RANBP2: variants seen among roughly 807,000 people sequenced by gnomAD.
RANBP2 encodes E3 SUMO-protein ligase RanBP2.
A neutral mutation model predicts 303.6 loss-of-function variants in RANBP2; 57 were observed. That is an observed-to-expected ratio of 0.19 (90% CI 0.15 to 0.23). RANBP2 has a LOEUF of 0.23. Ranked by LOEUF, RANBP2 falls within the 10% of genes least tolerant of loss-of-function variation. The probability of loss-of-function intolerance (pLI) is 1.00; values close to 1 mark genes in which losing one functional copy is unlikely to be tolerated. For synonymous variants in RANBP2, 1,167 were observed against 1,301.5 expected (o/e 0.90, Z 2.23); for missense variants, 3,138 against 3,780.8 (o/e 0.83, Z 4.46).
chr2:109,549,486 A>G, the RANBP2 span, among the ~76,000 whole-genome samples: 2 of 152,302 alleles, frequency 1.3e-5, no homozygotes, highest in African/African-American at 4.8e-5. Flanking sequence ...GCTATCAACA[A>G]CTATTCCATA....
chr2:109,350,036 C>G, the RANBP2 span, among the ~76,000 whole-genome samples: 25 of 152,332 alleles, frequency 1.6e-4, no homozygotes, highest in African/African-American at 6.0e-4. Flanking sequence ...GCCAGAGGCT[C>G]ACGAGCTGCA....
the RANBP2 span, among the ~76,000 whole-genome samples, chr2:109,290,465 C>T: frequency 3.9e-5 from 6 of 152,354 alleles, no homozygotes; most frequent in South Asian, 2.1e-4. Flanking sequence ...ACCCGGAATC[C>T]TCATGTTCGT....
chr2:109,411,102 AG>A, the RANBP2 span, among the ~76,000 whole-genome samples: 2 of 152,246 alleles, frequency 1.3e-5, no homozygotes, highest in Non-Finnish European at 2.9e-5. Context: ...TCCAGGGCCA[AG>A]CACCATGGTT....
At chr2:109,206,697 T>C in the RANBP2 span, among the ~76,000 whole-genome samples, 1 of 152,006 alleles carries the variant, frequency 6.6e-6, no homozygotes, top group Non-Finnish European at 1.5e-5. Context: ...ATGCTTATAA[T>C]TCCAGCTACT....
At chr2:108,807,522 C>T in the RANBP2 span, among the ~76,000 whole-genome samples, 32 of 152,300 alleles carry the variant, frequency 2.1e-4, no homozygotes, top group South Asian at 6.6e-3. Context: ...AAAATCCTCT[C>T]TTTATCTATG....
the RANBP2 span, among the ~76,000 whole-genome samples, chr2:109,718,446 G>A: frequency 6.6e-6 from 1 of 152,186 alleles, no homozygotes; most frequent in African/African-American, 2.4e-5. Context: ...ATTATGTGAA[G>A]TGAAAGAAGC....
the RANBP2 span, among the ~76,000 whole-genome samples, chr2:109,640,003 G>A: frequency 6.6e-6 from 1 of 151,332 alleles, no homozygotes; most frequent in African/African-American, 2.4e-5. Context: ...GAGCCACTGC[G>A]CCCAGCCATA....
chr2:109,670,612 A>G, the RANBP2 span, among the ~76,000 whole-genome samples: 1 of 151,904 alleles, frequency 6.6e-6, no homozygotes, highest in Non-Finnish European at 1.5e-5. Context: ...CAGACTCCAA[A>G]CTCTAGAGGC....
At chr2:109,513,451 C>G in the RANBP2 span, among the ~76,000 whole-genome samples, 1 of 119,690 alleles carries the variant, frequency 8.4e-6, no homozygotes, top group South Asian at 2.9e-4. Flanking sequence ...ACATCACACA[C>G]GTGCACATAT....
chr2:109,661,671 C>T, the RANBP2 span, among the ~76,000 whole-genome samples: 1 of 152,160 alleles, frequency 6.6e-6, no homozygotes, highest in South Asian at 2.1e-4. Context: ...TAAGGGTGAG[C>T]CTAGAAAGTG....
At chr2:109,539,646 G>A in the RANBP2 span, among the ~76,000 whole-genome samples, 11 of 152,180 alleles carry the variant, frequency 7.2e-5, no homozygotes, top group African/African-American at 1.9e-4. Flanking sequence ...GTTTCATCAC[G>A]CTGGCCAGGC....
At chr2:109,116,086 G>C in the RANBP2 span, among the ~76,000 whole-genome samples, 3 of 152,080 alleles carry the variant, frequency 2.0e-5, no homozygotes, top group African/African-American at 7.2e-5. Context: ...TTTCAACTTT[G>C]GTGAATCTGA....
At chr2:109,503,002 G>C in the RANBP2 span, 1 of 152,222 alleles carries the variant, frequency 6.6e-6, no homozygotes, top group African/African-American at 2.4e-5. Flanking sequence ...CAAGATCGGG[G>C]AGTTGGGAGG....
At chr2:109,525,610 G>A in the RANBP2 span, among the ~76,000 whole-genome samples, 10 of 152,208 alleles carry the variant, frequency 6.6e-5, no homozygotes, top group African/African-American at 2.2e-4. Flanking sequence ...CCGGCATTCA[G>A]GGCAGGATGG....
the RANBP2 span, among the ~76,000 whole-genome samples, chr2:109,680,203 A>AC: frequency 4.7e-5 from 7 of 148,948 alleles, no homozygotes; most frequent in African/African-American, 1.7e-4. Flanking sequence ...AAAAAAAAAA[A>AC]TTAGCCGGGC....
At chr2:109,624,319 A>G in the RANBP2 span, among the ~76,000 whole-genome samples, 1 of 152,192 alleles carries the variant, frequency 6.6e-6, no homozygotes, top group Admixed American at 6.5e-5. Context: ...GGAAGGTAAC[A>G]TGATGCATAT....
At chr2:109,603,668 A>G in the RANBP2 span, among the ~76,000 whole-genome samples, 1 of 152,204 alleles carries the variant, frequency 6.6e-6, no homozygotes, top group South Asian at 2.1e-4. Context: ...CATACATACA[A>G]CTAAAAATCT....
chr2:108,929,750 G>T, the RANBP2 span, among the ~76,000 whole-genome samples: 6 of 152,324 alleles, frequency 3.9e-5, no homozygotes, highest in African/African-American at 1.2e-4. Flanking sequence ...AGAACACTCA[G>T]GCTTAGCTTG....
At chr2:108,912,738 C>T in the RANBP2 span, 1 of 1,601,186 alleles carries the variant, frequency 6.2e-7, no homozygotes, top group Non-Finnish European at 8.5e-7. Flanking sequence ...GGGAAGTTGG[C>T]AGAAGCTCCT....
Sources: gnomAD v4.1 joint callset for allele counts (sites outside exome capture counted in the v4.1 genomes callset) on GRCh38, gnomAD v4.1.1 for gene constraint, MANE v1.5 for transcripts, NCBI Gene and HGNC (gene_info 2026-07-23, HGNC 2026-07-21) for gene names.